RGS6: variants seen among roughly 807,000 people sequenced by gnomAD.
RGS6 encodes regulator of G protein signaling 6, also known as regulator of G-protein signaling 6.
RGS6 carries 30 observed loss-of-function variants against 78.5 expected under a neutral mutation model. That is an observed-to-expected ratio of 0.38 (90% CI 0.29 to 0.52). The LOEUF (loss-of-function observed/expected upper bound fraction) is 0.52. Among genes scored for constraint, RGS6 ranks in the 20% least tolerant of loss-of-function variants. The probability of loss-of-function intolerance (pLI) is 0.85; values close to 1 mark genes in which losing one functional copy is unlikely to be tolerated. For missense variants in RGS6, 495 were observed against 609.7 expected, an observed-to-expected ratio of 0.81 and a Z score of 1.98; for synonymous variants, 206 against 206.0, an observed-to-expected ratio of 1.00 and a Z score of 0.00.
At chr14:72,490,498 T>A (rs971939408) in intron 12 of RGS6, among the ~76,000 whole-genome samples, 2 of 152,254 alleles carry the variant, frequency 1.3e-5, no homozygotes, top group Non-Finnish European at 2.9e-5. Context: ...ACAGAGGATG[T>A]GCCTCTAGTG....
At chr14:72,422,399 T>C (rs942333635) in intron 3 of RGS6, among the ~76,000 whole-genome samples, 1 of 152,222 alleles carries the variant, frequency 6.6e-6, no homozygotes, top group Non-Finnish European at 1.5e-5. Context: ...TATTATAAGT[T>C]ATAATAACAG....
At chr14:72,570,083 C>G (rs969567662), downstream of RGS6, among the ~76,000 whole-genome samples, 6 of 152,158 alleles carry the variant, frequency 3.9e-5, no homozygotes, top group African/African-American at 1.2e-4. Context: ...TCTGTATCCA[C>G]AGTTTCCACG....
At chr14:72,186,352 AC>A (rs1390148298) in intron 2 of RGS6, among the ~76,000 whole-genome samples, 1 of 152,212 alleles carries the variant, frequency 6.6e-6, no homozygotes, top group Non-Finnish European at 1.5e-5. Flanking sequence ...ATAGTACACC[AC>A]CAAGCACCTT....
intron 2 of RGS6, among the ~76,000 whole-genome samples, chr14:72,236,146 C>A (rs2050950806): frequency 6.6e-6 from 1 of 152,082 alleles, no homozygotes; most frequent in South Asian, 2.1e-4. Context: ...AGGGATGTTT[C>A]CAACATTCTA....
intron 2 of RGS6, among the ~76,000 whole-genome samples, chr14:72,020,683 T>C (rs1367045427): frequency 6.6e-6 from 1 of 152,240 alleles, no homozygotes. Flanking sequence ...TGCCAGGCAC[T>C]TTTTAAAGCA....
At chr14:72,057,446 G>GGT (rs1359046986) in intron 2 of RGS6, among the ~76,000 whole-genome samples, 1 of 151,672 alleles carries the variant, frequency 6.6e-6, no homozygotes, top group East Asian at 1.9e-4. Context: ...TGGGATCTGT[G>GGT]GTTACACTCT....
intron 2 of RGS6, among the ~76,000 whole-genome samples, chr14:72,161,323 G>A (rs142449399): frequency 7.9e-5 from 12 of 152,082 alleles, no homozygotes; most frequent in South Asian, 4.2e-4. Context: ...ACCATGGCAC[G>A]TGTATACCTA....
At chr14:71,925,682 T>C in the RGS6 span, among the ~76,000 whole-genome samples, 4 of 131,804 alleles carry the variant, frequency 3.0e-5, no homozygotes, top group Middle Eastern at 3.6e-3. Flanking sequence ...ATGCATTTTC[T>C]TGGTGCCTTT....
chr14:72,163,925 C>T (rs2096888979), intron 2 of RGS6, among the ~76,000 whole-genome samples: 4 of 151,190 alleles, frequency 2.6e-5, no homozygotes. Context: ...TTTGAAATCC[C>T]TGCTGTGAGG....
intron 2 of RGS6, among the ~76,000 whole-genome samples, chr14:72,300,178 C>A (rs1390800557): frequency 1.3e-5 from 2 of 151,762 alleles, no homozygotes; most frequent in South Asian, 4.2e-4. Context: ...TTTACTTTTT[C>A]TCTATCTTTT....
chr14:72,210,967 C>T (rs2043986428), intron 2 of RGS6, among the ~76,000 whole-genome samples: 1 of 152,082 alleles, frequency 6.6e-6, no homozygotes, highest in East Asian at 1.9e-4. Flanking sequence ...AAAAAATGGC[C>T]AATGTGACAT....
chr14:72,474,839 G>A (rs1263826746), intron 10 of RGS6, 140 bp downstream of exon 10: 2 of 748,624 alleles, frequency 2.7e-6, no homozygotes, highest in Non-Finnish European at 4.4e-6. Context: ...AATATTGATT[G>A]AGCAGCTGAT....
intron 3 of RGS6, among the ~76,000 whole-genome samples, chr14:72,357,748 A>G (rs1276965793): frequency 6.6e-6 from 1 of 152,148 alleles, no homozygotes; most frequent in Non-Finnish European, 1.5e-5. Context: ...AGCCTGACGA[A>G]CCAGTAGAAA....
chr14:72,104,468 TAAAG>T (rs1417000778), intron 2 of RGS6, among the ~76,000 whole-genome samples: 1 of 152,144 alleles, frequency 6.6e-6, no homozygotes, highest in Admixed American at 6.5e-5. Context: ...ATTTATAAAA[TAAAG>T]GAAATGAAAC....
At chr14:72,038,605 A>G (rs2092033721) in intron 2 of RGS6, among the ~76,000 whole-genome samples, 1 of 152,184 alleles carries the variant, frequency 6.6e-6, no homozygotes, top group African/African-American at 2.4e-5. Flanking sequence ...AATTGTTTAC[A>G]TAAATATTTA....
chr14:71,937,397 C>T (rs981123274), intron 1 of RGS6, among the ~76,000 whole-genome samples: 1 of 152,106 alleles, frequency 6.6e-6, no homozygotes, highest in Non-Finnish European at 1.5e-5. Flanking sequence ...CACTTCCGCC[C>T]CTTGATTCCT....
At chr14:72,329,701 C>T (rs1294220883) in intron 2 of RGS6, among the ~76,000 whole-genome samples, 2 of 152,214 alleles carry the variant, frequency 1.3e-5, no homozygotes, top group Non-Finnish European at 2.9e-5. Context: ...AGTGTGGAAG[C>T]ACTCTTTGCG....
intron 2 of RGS6, among the ~76,000 whole-genome samples, chr14:72,131,704 C>A (rs1318825387): frequency 6.6e-6 from 1 of 152,104 alleles, no homozygotes; most frequent in African/African-American, 2.4e-5. Context: ...ATTCAAGGGG[C>A]AGTTTTGGTG....
intron 1 of RGS6, among the ~76,000 whole-genome samples, chr14:71,941,946 C>T (rs975018632): frequency 4.6e-5 from 7 of 152,156 alleles, no homozygotes; most frequent in Admixed American, 2.0e-4. Context: ...TCCTTACAGG[C>T]CAAAAAGCCT....
Sources: allele counts gnomAD v4.1 joint callset (sites outside exome capture counted in the v4.1 genomes callset), GRCh38; gene constraint gnomAD v4.1.1; transcripts MANE v1.5; gene names NCBI Gene and HGNC (gene_info 2026-07-23, HGNC 2026-07-21).